Variants in ST6GALNAC3 observed in about 807,000 individuals in gnomAD.
The protein encoded by ST6GALNAC3 is alpha-N-acetylgalactosaminide alpha-2,6-sialyltransferase 3.
In ST6GALNAC3, 25 loss-of-function variants were observed where a neutral mutation model predicts 32.7. The ratio of observed to expected loss-of-function variants is 0.76; its 90% CI spans 0.56 to 1.07. The LOEUF (loss-of-function observed/expected upper bound fraction) is 1.07, where lower values mean the gene tolerates loss of function less well. Among genes scored for constraint, ST6GALNAC3 ranks in the 50% least tolerant of loss-of-function variants. The probability of loss-of-function intolerance (pLI) is 0.00; values close to 1 mark genes in which losing one functional copy is unlikely to be tolerated. For missense variants in ST6GALNAC3, 355 were observed against 382.4 expected, an observed-to-expected ratio of 0.93 and a Z score of 0.60; for synonymous variants, 129 against 133.1, an observed-to-expected ratio of 0.97 and a Z score of 0.21.
At chr1:76,248,620 A>T (rs1657441841) in intron 1 of ST6GALNAC3, among the ~76,000 whole-genome samples, 1 of 152,120 alleles carries the variant, frequency 6.6e-6, no homozygotes, top group South Asian at 2.1e-4. Flanking sequence ...CATAATTTTG[A>T]CTGTCTAATA....
intron 3 of ST6GALNAC3, among the ~76,000 whole-genome samples, chr1:76,478,342 C>T (rs1008381732): frequency 6.6e-6 from 1 of 152,200 alleles, no homozygotes; most frequent in African/African-American, 2.4e-5. Context: ...AGTTACTCTA[C>T]TGTATGGTGG....
chr1:76,369,826 A>C (rs541062966), intron 2 of ST6GALNAC3, among the ~76,000 whole-genome samples: 1 of 152,180 alleles, frequency 6.6e-6, no homozygotes, highest in African/African-American at 2.4e-5. Context: ...CTAGCTCTAT[A>C]ATAAGTAGAA....
chr1:76,448,630 C>T (rs1657157892), intron 3 of ST6GALNAC3, among the ~76,000 whole-genome samples: 2 of 152,056 alleles, frequency 1.3e-5, no homozygotes, highest in Non-Finnish European at 2.9e-5. Context: ...AGCATGGTTT[C>T]CCATGCTGTT....
chr1:76,516,984 C>T (rs1318962619), intron 3 of ST6GALNAC3, among the ~76,000 whole-genome samples: 2 of 151,776 alleles, frequency 1.3e-5, no homozygotes, highest in Non-Finnish European at 2.9e-5. Flanking sequence ...AAAATTTTTT[C>T]TAAGTCCTTT....
At chr1:76,171,818 A>T (rs1188271733) in intron 1 of ST6GALNAC3, among the ~76,000 whole-genome samples, 19 of 17,120 alleles carry the variant, frequency 1.1e-3, no homozygotes, top group African/African-American at 3.8e-3. Flanking sequence ...AAACAACAAC[A>T]AAAAAAAAAA....
chr1:76,126,071 C>G (rs1211105864), intron 1 of ST6GALNAC3, among the ~76,000 whole-genome samples: 2 of 152,134 alleles, frequency 1.3e-5, no homozygotes, highest in Non-Finnish European at 2.9e-5. Flanking sequence ...TATAGAGACC[C>G]CCCAAGATAG....
intron 3 of ST6GALNAC3, among the ~76,000 whole-genome samples, chr1:76,625,366 G>T (rs1382510023): frequency 6.6e-6 from 1 of 151,626 alleles, no homozygotes; most frequent in Non-Finnish European, 1.5e-5. Context: ...TCATCATATA[G>T]AAACAAACAA....
chr1:76,101,077 C>T (rs1009084499), intron 1 of ST6GALNAC3, among the ~76,000 whole-genome samples: 1 of 152,102 alleles, frequency 6.6e-6, no homozygotes, highest in African/African-American at 2.4e-5. Context: ...GTTGTACATC[C>T]TATGAGTTTT....
chr1:76,216,638 G>C (rs1655479622), intron 1 of ST6GALNAC3, among the ~76,000 whole-genome samples: 1 of 152,136 alleles, frequency 6.6e-6, no homozygotes, highest in East Asian at 1.9e-4. Flanking sequence ...CATCAAACAG[G>C]AACAGCATCT....
chr1:76,224,758 C>A (rs985309518), intron 1 of ST6GALNAC3, among the ~76,000 whole-genome samples: 3 of 152,152 alleles, frequency 2.0e-5, no homozygotes, highest in Non-Finnish European at 4.4e-5. Context: ...ATAAAAAGTT[C>A]TCCATGGTAA....
intron 1 of ST6GALNAC3, among the ~76,000 whole-genome samples, chr1:76,140,184 A>G (rs1267640188): frequency 1.3e-5 from 2 of 152,114 alleles, no homozygotes; most frequent in African/African-American, 4.8e-5. Flanking sequence ...GGTGAAAGAG[A>G]TTAATCCAAT....
At chr1:76,253,279 C>T (rs1271077153) in intron 1 of ST6GALNAC3, among the ~76,000 whole-genome samples, 1 of 152,106 alleles carries the variant, frequency 6.6e-6, no homozygotes, top group Non-Finnish European at 1.5e-5. Flanking sequence ...AAATTAGGAA[C>T]AACTAATATG....
intron 3 of ST6GALNAC3, among the ~76,000 whole-genome samples, chr1:76,456,611 A>T (rs1657822695): frequency 6.6e-6 from 1 of 152,244 alleles, no homozygotes; most frequent in African/African-American, 2.4e-5. Context: ...CCACATGATT[A>T]TCTCAATAGA....
At chr1:76,539,666 GA>G (rs148938937) in intron 3 of ST6GALNAC3, among the ~76,000 whole-genome samples, 1 of 150,414 alleles carries the variant, frequency 6.6e-6, no homozygotes, top group Non-Finnish European at 1.5e-5. Context: ...AAATTTGCAA[GA>G]AAAAAAAACC....
chr1:76,327,433 C>T (rs922010465), intron 2 of ST6GALNAC3, among the ~76,000 whole-genome samples: 9 of 152,054 alleles, frequency 5.9e-5, no homozygotes, highest in Non-Finnish European at 8.8e-5. Context: ...ACTCCAAAGG[C>T]GATCTGCTGG....
At chr1:76,081,043 G>C (rs1438253036) in intron 1 of ST6GALNAC3, among the ~76,000 whole-genome samples, 2 of 152,186 alleles carry the variant, frequency 1.3e-5, no homozygotes, top group African/African-American at 4.8e-5. Context: ...AACAGCCAGA[G>C]TGCTCAGGCT....
At chr1:76,510,238 G>A (rs1661762855) in intron 3 of ST6GALNAC3, among the ~76,000 whole-genome samples, 1 of 152,126 alleles carries the variant, frequency 6.6e-6, no homozygotes, top group Non-Finnish European at 1.5e-5. Flanking sequence ...AGGAGCTCTG[G>A]CCAACAACTT....
intron 1 of ST6GALNAC3, among the ~76,000 whole-genome samples, chr1:76,149,632 A>G (rs1650914963): frequency 6.6e-6 from 1 of 152,224 alleles, no homozygotes; most frequent in Admixed American, 6.5e-5. Flanking sequence ...GGTGCAAATG[A>G]CAGGATTTCC....
At chr1:76,365,624 G>A (rs938510346) in intron 2 of ST6GALNAC3, among the ~76,000 whole-genome samples, 1 of 152,102 alleles carries the variant, frequency 6.6e-6, no homozygotes, top group African/African-American at 2.4e-5. Context: ...CTTTACCAAT[G>A]AACATCAATG....
Sources: allele counts gnomAD v4.1 joint callset (sites outside exome capture counted in the v4.1 genomes callset), GRCh38; gene constraint gnomAD v4.1.1; transcripts MANE v1.5; gene names NCBI Gene and HGNC (gene_info 2026-07-23, HGNC 2026-07-21).